The following MBD5 variants were observed in gnomAD, a reference collection of about 807,000 sequenced individuals.
MBD5 encodes methyl-CpG binding domain protein 5.
In MBD5, 13 loss-of-function variants were observed where a neutral mutation model predicts 117.3. That is an observed-to-expected ratio of 0.11 (90% CI 0.07 to 0.18). The LOEUF (loss-of-function observed/expected upper bound fraction) is 0.18, where lower values mean the gene tolerates loss of function less well. MBD5 is among the 10% of genes least tolerant of loss of function. MBD5 has a pLI of 1.00. For synonymous variants in MBD5, 727 were observed against 766.4 expected, an observed-to-expected ratio of 0.95 and a Z score of 0.85; for missense variants, 1,879 against 2,093.8, an observed-to-expected ratio of 0.90 and a Z score of 2.00.
intron 3 of MBD5, among the ~76,000 whole-genome samples, chr2:148,281,041 G>A (rs4972346): frequency 0.26 from 39,696 of 151,952 alleles, 5,606 homozygotes; most frequent in East Asian, 0.57. Context: ...GCTCTGTGGT[G>A]GATTGAGGTG....
chr2:148,489,980 G>T lies in MBD5; in HGVS notation c.4348G>T (p.Asp1450Tyr). The change falls in exon 11 of 14, where the codon GAT becomes TAT. Residue 1450 changes from aspartate (D) to tyrosine (Y), a missense_variant. Physicochemically the swap from Asp to Tyr is radical, Grantham distance 160. Coordinates refer to ENST00000642680, the MANE Select transcript of MBD5 (RefSeq NM_001378120.1). ...CAGGTGGAAGTACGAGGAATTTTTA[G>T]ATCATCCAGGCCATATCCACAGTAG... ...RNRWKYEEFL[D>Y]HPGHIHSSPC... 1 of 1,614,050 alleles carries T rather than the reference G, an allele frequency of 6.2e-7. No homozygotes were observed.
At chr2:148,168,338 CT>C (rs1262043941) in intron 1 of MBD5, among the ~76,000 whole-genome samples, 2 of 152,176 alleles carry the variant, frequency 1.3e-5, no homozygotes, top group African/African-American at 4.8e-5. Context: ...CTTCCCTTCC[CT>C]TCTTTTTTCT....
At position 148,021,316 on chromosome 2, in the gene MBD5, T is replaced by C; in HGVS notation, c.-1293T>C. The C allele has an allele frequency of 2.5e-6, 1 of 396,818 alleles. No individual in the cohort carries two copies. The highest frequency in any genetic ancestry group is 5.0e-6 in the Non-Finnish European group (1 of 201,488). 24.6% of individuals were successfully genotyped at this position (396,818 alleles called of 1,614,324 possible). ...GCCTGAGAGAGGAGAAGGAGTTTCTTCTTCTTCGAAAACCCCCATCCACGA... is the reference window on the plus strand; with the variant it reads ...GCCTGAGAGAGGAGAAGGAGTTTCTCCTTCTTCGAAAACCCCCATCCACGA... On this transcript the variant is annotated 5_prime_UTR_variant, in exon 1 of 14. Transcript: ENST00000642680.
chr2:148,485,536 T>TA (rs1179164978), intron 9 of MBD5: 7 of 566,398 alleles, frequency 1.2e-5, no homozygotes, highest in African/African-American at 1.1e-4. Context: ...GATGTAAAAT[T>TA]AAAAAACTAA....
chr2:148,386,485 G>C (rs1179897934), intron 4 of MBD5, among the ~76,000 whole-genome samples: 1 of 151,914 alleles, frequency 6.6e-6, no homozygotes, highest in African/African-American at 2.4e-5. Context: ...TTGGGAGGCC[G>C]AGGCGGGCGG....
intron 3 of MBD5, among the ~76,000 whole-genome samples, chr2:148,341,105 T>C (rs1436047308): frequency 1.3e-5 from 2 of 152,056 alleles, no homozygotes; most frequent in Non-Finnish European, 2.9e-5. Context: ...CAATCTGTGT[T>C]TGAGGATGAT....
chr2:148,451,153 A>G (rs1706715293), intron 4 of MBD5, among the ~76,000 whole-genome samples: 1 of 152,168 alleles, frequency 6.6e-6, no homozygotes, highest in South Asian at 2.1e-4. Flanking sequence ...GTATCCCTGT[A>G]CAACTACATA....
At chr2:148,364,964 A>T (rs1008284432) in intron 4 of MBD5, among the ~76,000 whole-genome samples, 1 of 152,340 alleles carries the variant, frequency 6.6e-6, no homozygotes, top group East Asian at 1.9e-4. Context: ...TCAGGACGTG[A>T]ACTCAGCTCT....
At chr2:148,272,814 T>C (rs899629000) in intron 3 of MBD5, among the ~76,000 whole-genome samples, 8 of 152,234 alleles carry the variant, frequency 5.3e-5, no homozygotes, top group African/African-American at 1.9e-4. Context: ...ATTTTTACTT[T>C]TTGTTGTCTG....
intron 2 of MBD5, among the ~76,000 whole-genome samples, chr2:148,184,736 G>T (rs907792325): frequency 6.6e-6 from 1 of 152,150 alleles, no homozygotes; most frequent in Non-Finnish European, 1.5e-5. Context: ...TCCCTCTGGG[G>T]ATATTGGCTA....
At chr2:148,209,694 AC>A (rs903916464) in intron 2 of MBD5, among the ~76,000 whole-genome samples, 2 of 152,072 alleles carry the variant, frequency 1.3e-5, no homozygotes, top group Admixed American at 1.3e-4. Flanking sequence ...TAAGCATGGC[AC>A]CAACATCTGC....
At chr2:148,397,941 A>C (rs1280098413) in intron 4 of MBD5, among the ~76,000 whole-genome samples, 1 of 152,076 alleles carries the variant, frequency 6.6e-6, no homozygotes, top group Non-Finnish European at 1.5e-5. Flanking sequence ...GCAGAGAATG[A>C]TGGTTTCCAG....
chr2:148,089,332 C>T (rs1695877876), intron 1 of MBD5, among the ~76,000 whole-genome samples: 1 of 151,606 alleles, frequency 6.6e-6, no homozygotes, highest in Non-Finnish European at 1.5e-5. Context: ...AAATTACACC[C>T]TAGAAAAAAT....
At chr2:148,070,109 A>T (rs1005719164) in intron 1 of MBD5, among the ~76,000 whole-genome samples, 2 of 152,222 alleles carry the variant, frequency 1.3e-5, no homozygotes, top group African/African-American at 4.8e-5. Context: ...CCCACCACAA[A>T]CAGCCTACTT....
chr2:148,164,235 ACTATCTT>A (rs1698075194), intron 1 of MBD5, among the ~76,000 whole-genome samples: 1 of 152,166 alleles, frequency 6.6e-6, no homozygotes, highest in African/African-American at 2.4e-5. Context: ...AGCTTCTGCT[ACTATCTT>A]CTGTTATTAA....
chr2:148,083,561 C>A (rs1057221174), intron 1 of MBD5, among the ~76,000 whole-genome samples: 1 of 151,966 alleles, frequency 6.6e-6, no homozygotes, highest in Non-Finnish European at 1.5e-5. Context: ...AATAGAGGAT[C>A]GCAATCAAGG....
chr2:148,276,370 G>C (rs1701114572), intron 3 of MBD5, among the ~76,000 whole-genome samples: 1 of 152,016 alleles, frequency 6.6e-6, no homozygotes, highest in Non-Finnish European at 1.5e-5. Context: ...CAAAGCTATA[G>C]AATATTTGTA....
intron 1 of MBD5, among the ~76,000 whole-genome samples, chr2:148,080,853 A>C (rs570974772): frequency 6.6e-6 from 1 of 152,274 alleles, no homozygotes; most frequent in Non-Finnish European, 1.5e-5. Flanking sequence ...GAGTGATTGT[A>C]TTAAGGTGCT....
intron 7 of MBD5, among the ~76,000 whole-genome samples, chr2:148,464,468 A>C (rs1359329148): frequency 6.6e-6 from 1 of 152,154 alleles, no homozygotes; most frequent in Non-Finnish European, 1.5e-5. Flanking sequence ...TTACCAATTA[A>C]CATTTTGTTG....
Sources: allele counts gnomAD v4.1 joint callset (sites outside exome capture counted in the v4.1 genomes callset), GRCh38; gene constraint gnomAD v4.1.1; transcripts MANE v1.5; gene names NCBI Gene and HGNC (gene_info 2026-07-23, HGNC 2026-07-21).